Variants in TIAM1 observed in about 807,000 individuals in gnomAD.
TIAM1 encodes the protein TIAM Rac1 associated GEF 1.
A neutral mutation model predicts 163.5 loss-of-function variants in TIAM1; 65 were observed. That is an observed-to-expected ratio of 0.40 (90% CI 0.33 to 0.49). The LOEUF (loss-of-function observed/expected upper bound fraction) is 0.49. TIAM1 is among the 20% of genes least tolerant of loss of function. The probability of loss-of-function intolerance (pLI) is 0.77; values close to 1 mark genes in which losing one functional copy is unlikely to be tolerated. For missense variants in TIAM1, 1,789 were observed against 2,044.7 expected, an observed-to-expected ratio of 0.87 and a Z score of 2.41; for synonymous variants, 833 against 810.1, an observed-to-expected ratio of 1.03 and a Z score of -0.48.
At chr21:31,239,212 T>C (rs2071041862) in intron 6 of TIAM1, among the ~76,000 whole-genome samples, 1 of 152,128 alleles carries the variant, frequency 6.6e-6, no homozygotes, top group Non-Finnish European at 1.5e-5. Flanking sequence ...AGCCTTGACC[T>C]CCTTGGTGCA....
At chr21:31,514,455 A>G (rs1258789812) in intron 1 of TIAM1, among the ~76,000 whole-genome samples, 18 of 151,438 alleles carry the variant, frequency 1.2e-4, no homozygotes. Flanking sequence ...AAATGGGCAG[A>G]TCACCTGGGG....
chr21:31,471,082 C>A (rs2045723330), intron 1 of TIAM1, among the ~76,000 whole-genome samples: 1 of 152,220 alleles, frequency 6.6e-6, no homozygotes, highest in African/African-American at 2.4e-5. Flanking sequence ...AAAATCTCAT[C>A]GTGTTGTTCT....
intron 15 of TIAM1, among the ~76,000 whole-genome samples, chr21:31,165,994 C>T (rs368654703): frequency 1.3e-5 from 2 of 152,200 alleles, no homozygotes; most frequent in African/African-American, 4.8e-5. Context: ...TGGTCCTCTG[C>T]GTTGAGAAGA....
intron 11 of TIAM1, among the ~76,000 whole-genome samples, chr21:31,205,855 C>T (rs898224321): frequency 6.6e-5 from 10 of 152,032 alleles, no homozygotes; most frequent in Admixed American, 2.0e-4. Context: ...TCCCTGTAGG[C>T]TACTCAGGAA....
intron 2 of TIAM1, among the ~76,000 whole-genome samples, chr21:31,320,756 G>T (rs1199704053): frequency 6.6e-6 from 1 of 152,212 alleles, no homozygotes; most frequent in Admixed American, 6.5e-5. Context: ...CACTTTGGGA[G>T]GCCGAAGCAG....
intron 2 of TIAM1, among the ~76,000 whole-genome samples, chr21:31,381,811 G>A (rs778975002): frequency 1.3e-5 from 2 of 152,112 alleles, no homozygotes; most frequent in Non-Finnish European, 2.9e-5. Flanking sequence ...CAGTCTGGGT[G>A]ACAGAGTAAG....
intron 2 of TIAM1, among the ~76,000 whole-genome samples, chr21:31,426,721 T>TGG (rs1326135606): frequency 2.6e-5 from 4 of 152,004 alleles, no homozygotes; most frequent in Non-Finnish European, 5.9e-5. Context: ...TCATGAAGTC[T>TGG]GGGGTTTCAT....
chr21:31,127,078 G>T lies in TIAM1; in HGVS notation c.4120C>A (p.His1374Asn). ...GCCCAGGCTCACCTGCAGCACAAGT[G>T]AAAGACCCTCTCCGGCCTCCCTTCA... ...ESEGRPERVF[H>N]LCCSSPESRK... The change falls in exon 26 of 28, where the codon CAC becomes AAC. Residue 1374 changes from histidine (H) to asparagine (N), a missense_variant. Around this residue, in one of 5 missense-constraint regions of TIAM1, gnomAD observed 415 missense variants for 439.2 expected, o/e 0.94. Transcript: ENST00000541036. The T allele has an allele frequency of 1.2e-6, 2 of 1,614,018 alleles. No homozygotes were observed. The highest frequency in any genetic ancestry group is 1.7e-6 in the Non-Finnish European group (2 of 1,179,908).
At chr21:31,265,497 C>T (rs141902907) in intron 4 of TIAM1, among the ~76,000 whole-genome samples, 1 of 152,002 alleles carries the variant, frequency 6.6e-6, no homozygotes, top group African/African-American at 2.4e-5. Context: ...AAATGGCTCC[C>T]GGTAAGGCAG....
At chr21:31,257,134 G>GT (rs2072158713) in intron 4 of TIAM1, among the ~76,000 whole-genome samples, 2 of 152,176 alleles carry the variant, frequency 1.3e-5, no homozygotes, top group African/African-American at 4.8e-5. Context: ...TTATAAATTA[G>GT]TAACTACTGG....
At chr21:31,160,611 C>G (rs2083866063) in intron 16 of TIAM1, 1 of 398,052 alleles carries the variant, frequency 2.5e-6, no homozygotes, top group African/African-American at 2.1e-5. Context: ...TTAAAATATT[C>G]CCAGAGCACC....
At chr21:31,475,314 A>G (rs1349033491) in intron 1 of TIAM1, among the ~76,000 whole-genome samples, 1 of 151,946 alleles carries the variant, frequency 6.6e-6, no homozygotes, top group Non-Finnish European at 1.5e-5. Context: ...TCAGCCTCCC[A>G]AAGTGTTAGG....
chr21:31,205,296 GAA>G (rs1045204489), intron 11 of TIAM1, among the ~76,000 whole-genome samples: 1 of 152,172 alleles, frequency 6.6e-6, no homozygotes, highest in African/African-American at 2.4e-5. Context: ...GGAAGGGAAA[GAA>G]ATGAAATTTC....
intron 6 of TIAM1, among the ~76,000 whole-genome samples, chr21:31,234,810 C>T (rs541009243): frequency 6.6e-6 from 1 of 151,816 alleles, no homozygotes; most frequent in African/African-American, 2.4e-5. Context: ...ATTGTGCTTG[C>T]TTTGGCAGCA....
At chr21:31,529,733 G>C (rs2047912305) in intron 1 of TIAM1, among the ~76,000 whole-genome samples, 1 of 152,056 alleles carries the variant, frequency 6.6e-6, no homozygotes, top group South Asian at 2.1e-4. Context: ...GCAGACATGT[G>C]TTTATAAACT....
intron 16 of TIAM1, among the ~76,000 whole-genome samples, chr21:31,158,827 G>C (rs1015209622): frequency 2.0e-5 from 3 of 152,032 alleles, no homozygotes; most frequent in Non-Finnish European, 4.4e-5. Context: ...AAATCCATCA[G>C]GCCCTTCTCC....
At chr21:31,324,383 T>TG (rs1166779495) in intron 2 of TIAM1, among the ~76,000 whole-genome samples, 11 of 152,292 alleles carry the variant, frequency 7.2e-5, no homozygotes, top group Non-Finnish European at 1.2e-4. Context: ...TGCCTGCTTA[T>TG]GGGCAGAGGG....
chr21:31,460,817 T>C (rs555199281), intron 2 of TIAM1, among the ~76,000 whole-genome samples: 18 of 152,360 alleles, frequency 1.2e-4, no homozygotes, highest in African/African-American at 4.1e-4. Context: ...CTGTTTTAAT[T>C]CTTTTCTTCC....
At chr21:31,394,708 G>GCT (rs954246497) in intron 2 of TIAM1, among the ~76,000 whole-genome samples, 7,516 of 104,530 alleles carry the variant, frequency 0.072, 363 homozygotes, top group Middle Eastern at 0.1. Flanking sequence ...TCTCTCTCTC[G>GCT]CTCTCTCTCT....
Sources: allele counts gnomAD v4.1 joint callset (sites outside exome capture counted in the v4.1 genomes callset), GRCh38; gene constraint gnomAD v4.1.1; regional missense constraint gnomAD v4.1.1; transcripts MANE v1.5; gene names NCBI Gene and HGNC (gene_info 2026-07-23, HGNC 2026-07-21).